PTPN2: variants seen among roughly 807,000 people sequenced by gnomAD.
The protein encoded by PTPN2 is protein tyrosine phosphatase non-receptor type 2.
In PTPN2, 19 loss-of-function variants were observed where a neutral mutation model predicts 57.3. That is an observed-to-expected ratio of 0.33 (90% confidence interval 0.23 to 0.49). The LOEUF is 0.49. Among genes scored for constraint, PTPN2 ranks in the 20% least tolerant of loss-of-function variants. The pLI is 0.99. For missense variants in PTPN2, 358 were observed against 501.1 expected (o/e 0.71, Z 2.73); for synonymous variants, 153 against 164.9 (o/e 0.93, Z 0.55).
chr18:12,793,064 A>C lies in PTPN2; in HGVS notation c.*1214T>G. 2.0e-6 allele frequency: 2 copies of C among 985,424 alleles called. No homozygotes were observed. The highest frequency in any genetic ancestry group is 5.2e-4 in the Middle Eastern group (1 of 1,914). 61.0% of individuals were successfully genotyped at this position (985,424 alleles called of 1,614,324 possible). A position where few individuals can be genotyped will look rare whatever the true frequency, so the allele number is the denominator to read the frequency against. ...ACCACTGAAATAAGGTATGCTATCCATAATAATGTATGCTATCCATGCCTC... is the reference window on the plus strand; with the variant it reads ...ACCACTGAAATAAGGTATGCTATCCCTAATAATGTATGCTATCCATGCCTC... On this transcript the variant is annotated 3_prime_UTR_variant, in exon 9 of 9. Transcript: ENST00000309660.
At chr18:12,824,526 T>C (rs1046593005) in intron 5 of PTPN2, among the ~76,000 whole-genome samples, 3 of 152,238 alleles carry the variant, frequency 2.0e-5, no homozygotes, top group Non-Finnish European at 4.4e-5. Context: ...ATTTCACTTA[T>C]AGACTACATA....
chr18:12,827,077 C>CT, intron 4 of PTPN2, among the ~76,000 whole-genome samples: 1 of 152,228 alleles, frequency 6.6e-6, no homozygotes, highest in South Asian at 2.1e-4. Flanking sequence ...AGCGCGGTGG[C>CT]TCACGCCTGT....
At chr18:12,845,317 A>G (rs553488750) in intron 2 of PTPN2, among the ~76,000 whole-genome samples, 3 of 152,278 alleles carry the variant, frequency 2.0e-5, no homozygotes, top group Admixed American at 6.5e-5. Context: ...ATCCATGAAC[A>G]TGGTAGGCCT....
intron 2 of PTPN2, among the ~76,000 whole-genome samples, chr18:12,852,099 GA>G (rs1325054293): frequency 1.9e-4 from 29 of 151,624 alleles, no homozygotes; most frequent in Admixed American, 1.9e-3. Context: ...ATACAAGATG[GA>G]AAAGTTCCAG....
intron 2 of PTPN2, among the ~76,000 whole-genome samples, chr18:12,845,056 G>T (rs1181085733): frequency 6.6e-6 from 1 of 152,094 alleles, no homozygotes; most frequent in African/African-American, 2.4e-5. Flanking sequence ...GATTACTGTG[G>T]TTATGCATTA....
chr18:12,863,792 T>A (rs1244732060), intron 1 of PTPN2: 1 of 152,222 alleles, frequency 6.6e-6, no homozygotes, highest in East Asian at 1.9e-4. Context: ...ATGGCAAGGA[T>A]CTTTGCTTTA....
chr18:12,867,318 C>CAATA (rs144118910), intron 1 of PTPN2, among the ~76,000 whole-genome samples: 5,438 of 150,980 alleles, frequency 0.036, 335 homozygotes, highest in African/African-American at 0.12. Flanking sequence ...GAACCTGTCT[C>CAATA]AATAAATAAA....
At chr18:12,880,542 C>G (rs963847217) in intron 1 of PTPN2, 2 of 152,316 alleles carry the variant, frequency 1.3e-5, no homozygotes, top group African/African-American at 2.4e-5. Context: ...TCCGCTGACA[C>G]AACTCCCTTT....
chr18:12,829,934 T>G (rs908108012), intron 4 of PTPN2, among the ~76,000 whole-genome samples: 1 of 152,186 alleles, frequency 6.6e-6, no homozygotes, highest in Admixed American at 6.5e-5. Flanking sequence ...TAATTAAACC[T>G]GACTCTTGTT....
intron 1 of PTPN2, among the ~76,000 whole-genome samples, chr18:12,875,326 A>AG (rs1449980559): frequency 6.6e-6 from 1 of 151,878 alleles, no homozygotes; most frequent in African/African-American, 2.4e-5. Flanking sequence ...TTAAAAAAAA[A>AG]AAAAGCATAG....
At chr18:12,796,934 CT>C (rs970147493) in intron 8 of PTPN2, among the ~76,000 whole-genome samples, 3 of 152,160 alleles carry the variant, frequency 2.0e-5, no homozygotes, top group Admixed American at 1.3e-4. Context: ...TGAGGACAGA[CT>C]GGGTTTTGCT....
rs369026517 is a variant in PTPN2 at position 12,826,833 on chromosome 18, T to C, written c.361-889A>G. Among the ~76,000 whole-genome samples, 53 of 152,128 alleles carry C rather than the reference T, an allele frequency of 3.5e-4. No homozygotes were observed. The East Asian group carries it at 7.8e-3, about 22-fold the overall frequency. ...AACCACCAACCTCAGCCTCCCAAAGTGCTGGGATTACAGGCGTGAGCCACC... is the reference window on the plus strand; with the variant it reads ...AACCACCAACCTCAGCCTCCCAAAGCGCTGGGATTACAGGCGTGAGCCACC... On this transcript the variant is annotated intron_variant, in intron 4 of 8. Coordinates refer to ENST00000309660, the MANE Select transcript of PTPN2 (RefSeq NM_002828.4).
intron 8 of PTPN2, among the ~76,000 whole-genome samples, chr18:12,798,131 G>T (rs2041263064): frequency 6.6e-6 from 1 of 152,150 alleles, no homozygotes; most frequent in South Asian, 2.1e-4. Context: ...GCAACCTACA[G>T]TAAGAAATAG....
intron 4 of PTPN2, among the ~76,000 whole-genome samples, chr18:12,827,573 C>G (rs2042521266): frequency 6.6e-6 from 1 of 151,448 alleles, no homozygotes; most frequent in Non-Finnish European, 1.5e-5. Context: ...TTTGTAGAGG[C>G]AGGGTCTCAC....
chr18:12,846,571 T>C lies in PTPN2; in HGVS notation c.161-9680A>G, dbSNP rs185841242. 9.2e-5 allele frequency among the ~76,000 whole-genome samples: 14 copies of C among 152,342 alleles called. No individual in the cohort carries two copies. The East Asian group carries it at 2.5e-3, about 27-fold the overall frequency. Reference sequence around the variant, plus strand: ...ATATGTCTTCATCATTTTTTGGGCATGTCTTTATGTTCTGTCACTACAAGA... The same window carrying C: ...ATATGTCTTCATCATTTTTTGGGCACGTCTTTATGTTCTGTCACTACAAGA... On this transcript the variant is annotated intron_variant, in intron 2 of 8. Coordinates refer to ENST00000309660, the MANE Select transcript of PTPN2 (RefSeq NM_002828.4).
At chr18:12,804,009 G>GA (rs1350376276) in intron 7 of PTPN2, among the ~76,000 whole-genome samples, 1 of 151,906 alleles carries the variant, frequency 6.6e-6, no homozygotes, top group East Asian at 1.9e-4. Flanking sequence ...ATTAAAAAAA[G>GA]AAAAAAATCA....
At position 12,813,132 on chromosome 18, in the gene PTPN2, G is replaced by A. The variant is rs1476109947; in HGVS notation, c.858+1071C>T. Among the ~76,000 whole-genome samples the A allele has an allele frequency of 4.6e-5, 7 of 152,106 alleles. 1 individual carries two copies. The East Asian group carries it at 1.3e-3, about 29-fold the overall frequency. The stretch of plus-strand genomic sequence containing the variant: ...AAGCAGGCAGGGAAGGCGGCATGCA[G>A]GCTGTGAAGGCATGGGGAAATCTGA... On this transcript the variant is annotated intron_variant, in intron 7 of 8. Transcript: ENST00000309660.
intron 8 of PTPN2, among the ~76,000 whole-genome samples, chr18:12,799,495 C>CTAT (rs1166851447): frequency 6.6e-6 from 1 of 151,826 alleles, no homozygotes; most frequent in Non-Finnish European, 1.5e-5. Flanking sequence ...GCAAAGCTAT[C>CTAT]TATAGGTATT....
At chr18:12,807,568 G>GAAAAAAAAAAAAAAAAAAAAAAATAAAAA (rs68088093) in intron 7 of PTPN2, among the ~76,000 whole-genome samples, 1 of 41,192 alleles carries the variant, frequency 2.4e-5, no homozygotes, top group Admixed American at 5.2e-4. Flanking sequence ...AGAAAATGTG[G>GAAAAAAAAAAAAAAAAAAAAAAATAAAAA]AAAAAAAAAA....
Sources: gnomAD v4.1 joint callset for allele counts (sites outside exome capture counted in the v4.1 genomes callset) on GRCh38, gnomAD v4.1.1 for gene constraint, MANE v1.5 for transcripts, NCBI Gene and HGNC (gene_info 2026-07-23, HGNC 2026-07-21) for gene names.